The following CNIH3 variants were observed in gnomAD, a reference collection of about 807,000 sequenced individuals.
CNIH3 encodes the protein cornichon family AMPA receptor auxiliary protein 3.
A neutral mutation model predicts 24.1 loss-of-function variants in CNIH3; 14 were observed. That is an observed-to-expected ratio of 0.58 (90% CI 0.38 to 0.91). CNIH3 has a LOEUF of 0.91. Ranked by LOEUF, CNIH3 falls within the 40% of genes least tolerant of loss-of-function variation. The probability of loss-of-function intolerance (pLI) is 0.00; values close to 1 mark genes in which losing one functional copy is unlikely to be tolerated. For synonymous variants in CNIH3, 68 were observed against 73.8 expected (o/e 0.92, Z 0.40); for missense variants, 178 against 196.8 (o/e 0.90, Z 0.57).
chr1:224,579,090 TTC>T (rs756089380), intron 4 of CNIH3, among the ~76,000 whole-genome samples: 1 of 151,928 alleles, frequency 6.6e-6, no homozygotes, highest in Non-Finnish European at 1.5e-5. Context: ...TCTTTCTGTT[TTC>T]TCTCTCTGCC....
chr1:224,710,732 T>G (rs970806971), intron 3 of CNIH3, among the ~76,000 whole-genome samples: 3 of 152,236 alleles, frequency 2.0e-5, no homozygotes, highest in African/African-American at 7.2e-5. Flanking sequence ...TTTGAGATCC[T>G]CATGCCATTA....
At chr1:224,626,880 C>T (rs1196569945) in intron 1 of CNIH3, among the ~76,000 whole-genome samples, 1 of 152,206 alleles carries the variant, frequency 6.6e-6, no homozygotes, top group Non-Finnish European at 1.5e-5. Context: ...TGTGCTGTCA[C>T]TGACGAGCCT....
intron 5 of CNIH3, 91 bp from the exon 6 acceptor site, chr1:224,739,237 GT>G (rs1212302859): frequency 1.3e-6 from 2 of 1,541,368 alleles, no homozygotes; most frequent in Non-Finnish European, 8.7e-7. Flanking sequence ...CCTCTGGAAG[GT>G]CCCTCTCCTG....
chr1:224,667,622 C>T (rs776798371), intron 1 of CNIH3, among the ~76,000 whole-genome samples: 2 of 152,118 alleles, frequency 1.3e-5, no homozygotes, highest in Non-Finnish European at 2.9e-5. Context: ...CTGCACTTTA[C>T]CTATTAGACT....
At position 224,616,992 on chromosome 1, in the gene CNIH3, C is replaced by G. The variant is rs1683033992; in HGVS notation, c.-183C>G. 1.4e-6 allele frequency: 2 copies of G among 1,415,048 alleles called. No homozygotes were observed. The highest frequency in any genetic ancestry group is 9.2e-7 in the Non-Finnish European group (1 of 1,089,872). The allele number at this position is 1,415,048 out of a possible 1,614,324, so 87.7% of individuals were successfully genotyped here. On this transcript the variant is annotated 5_prime_UTR_variant, in exon 1 of 6. Coordinates refer to ENST00000272133, the MANE Select transcript of CNIH3 (RefSeq NM_152495.2). ...GGGCCGGGTCTGGGGTCGCCGGAGCCTGCGGGAATCCAGCGCTTATTCGCT... is the reference window on the plus strand; with the variant it reads ...GGGCCGGGTCTGGGGTCGCCGGAGCGTGCGGGAATCCAGCGCTTATTCGCT...
intron 3 of CNIH3, among the ~76,000 whole-genome samples, chr1:224,554,460 G>T (rs1023861306): frequency 3.3e-5 from 5 of 151,894 alleles, no homozygotes; most frequent in African/African-American, 4.8e-5. Flanking sequence ...GGATTGAAAA[G>T]ATTTTTTAAA....
chr1:224,616,492 G>A lies in CNIH3; in HGVS notation c.-683G>A. The A allele has an allele frequency of 1.0e-6, 1 of 987,862 alleles. No individual in the cohort carries two copies. The highest frequency in any genetic ancestry group is 1.2e-6 in the Non-Finnish European group (1 of 831,062). 61.2% of individuals were successfully genotyped at this position (987,862 alleles called of 1,614,324 possible). ...TTTCCGGGACACTTGGGTTGCGGAG[G>A]CCGGCTGGCCGGAGTCACGGTTGGG... On this transcript the variant is annotated 5_prime_UTR_variant, in exon 1 of 6. Coordinates refer to ENST00000272133, the MANE Select transcript of CNIH3 (RefSeq NM_152495.2).
intron 1 of CNIH3, among the ~76,000 whole-genome samples, chr1:224,671,898 T>C (rs1244100998): frequency 6.6e-6 from 1 of 152,152 alleles, no homozygotes; most frequent in African/African-American, 2.4e-5. Flanking sequence ...GGCTCAGAGA[T>C]GACTAAGCAA....
chr1:224,498,473 A>G (rs374906859), intron 1 of CNIH3, among the ~76,000 whole-genome samples: 6 of 152,288 alleles, frequency 3.9e-5, no homozygotes, highest in East Asian at 1.9e-4. Flanking sequence ...TTAAGCTTCT[A>G]TTTCTAAAAT....
rs1347756675 is a variant in CNIH3, at chr1:224,654,838, A to G, written c.82-26120A>G. Among the ~76,000 whole-genome samples the G allele has an allele frequency of 3.3e-5, 5 of 152,298 alleles. No homozygotes were observed. In the South Asian group the frequency reaches 8.3e-4, roughly 25 times the overall value. ...ACTTTTCTAGGCCAAACTAATTCCAATCCCTATGGTGTAGAATGTTGAAAA... is the reference window on the plus strand; with the variant it reads ...ACTTTTCTAGGCCAAACTAATTCCAGTCCCTATGGTGTAGAATGTTGAAAA... On this transcript the variant is annotated intron_variant, in intron 1 of 5. Coordinates refer to ENST00000272133, the MANE Select transcript of CNIH3 (RefSeq NM_152495.2).
chr1:224,602,099 A>C (rs1012233633), intron 3 of CNIH3, among the ~76,000 whole-genome samples: 1 of 152,232 alleles, frequency 6.6e-6, no homozygotes, highest in African/African-American at 2.4e-5. Flanking sequence ...TAAATGTCTC[A>C]TTTAAAATAC....
intron 1 of CNIH3, among the ~76,000 whole-genome samples, chr1:224,457,671 A>G (rs1390964250): frequency 1.3e-5 from 2 of 152,128 alleles, no homozygotes; most frequent in African/African-American, 4.8e-5. Flanking sequence ...GTAACTTTCC[A>G]GTCGTAATTT....
intron 3 of CNIH3, among the ~76,000 whole-genome samples, chr1:224,610,463 C>G (rs574520246): frequency 1.3e-5 from 2 of 152,118 alleles, no homozygotes; most frequent in Non-Finnish European, 2.9e-5. Context: ...CCCTTTCACT[C>G]TCTCTCTCTT....
At chr1:224,673,632 A>G (rs1421535655) in intron 1 of CNIH3, among the ~76,000 whole-genome samples, 3 of 151,574 alleles carry the variant, frequency 2.0e-5, no homozygotes, top group Admixed American at 2.0e-4. Context: ...CAGCTGTTTT[A>G]TTTTCTTCAC....
chr1:224,631,644 G>A (rs1683824516), intron 1 of CNIH3, among the ~76,000 whole-genome samples: 1 of 152,172 alleles, frequency 6.6e-6, no homozygotes, highest in Non-Finnish European at 1.5e-5. Context: ...GGGCTGGGAA[G>A]TAAGCTGACA....
chr1:224,533,069 C>G lies in CNIH3; in HGVS notation n.344-3867C>G, dbSNP rs537356824. 7.9e-5 allele frequency among the ~76,000 whole-genome samples: 12 copies of G among 152,188 alleles called. No homozygotes were observed. The South Asian group carries it at 2.5e-3, about 32-fold the overall frequency. On this transcript the variant is annotated intron_variant and non_coding_transcript_variant, in intron 2 of 2. Transcript: ENST00000470602. ...TGGGCTGGCATCATTCAGGAACCTT[C>G]AAGGAACAGAGAAACCTGAGTCAGG...
At chr1:224,653,502 C>T (rs1684959172) in intron 1 of CNIH3, among the ~76,000 whole-genome samples, 1 of 151,292 alleles carries the variant, frequency 6.6e-6, no homozygotes, top group South Asian at 2.1e-4. Flanking sequence ...ATTTTGGAAT[C>T]TGTGTTTCTC....
At chr1:224,445,606 T>C (rs1313079095) in intron 1 of CNIH3, among the ~76,000 whole-genome samples, 1 of 148,396 alleles carries the variant, frequency 6.7e-6, no homozygotes, top group African/African-American at 2.5e-5. Context: ...AGAAAGATTG[T>C]GTTGCCTTTC....
chr1:224,622,561 G>A (rs1683333042), intron 1 of CNIH3, among the ~76,000 whole-genome samples: 1 of 152,222 alleles, frequency 6.6e-6, no homozygotes, highest in Admixed American at 6.5e-5. Context: ...GGAGAGAAGT[G>A]TGCAGAATTC....
Sources: allele counts gnomAD v4.1 joint callset (sites outside exome capture counted in the v4.1 genomes callset), GRCh38; gene constraint gnomAD v4.1.1; transcripts MANE v1.5; gene names NCBI Gene and HGNC (gene_info 2026-07-23, HGNC 2026-07-21).